The following PIEZO2 variants were observed in gnomAD, a reference collection of about 807,000 sequenced individuals.
The protein encoded by PIEZO2 is piezo-type mechanosensitive ion channel component 2.
In PIEZO2, 172 loss-of-function variants were observed where a neutral mutation model predicts 337.3. That is an observed-to-expected ratio of 0.51 (90% CI 0.45 to 0.58). The LOEUF (loss-of-function observed/expected upper bound fraction) is 0.58. PIEZO2 is among the 20% of genes least tolerant of loss of function. The pLI is 0.00. For synonymous variants in PIEZO2, 1,251 were observed against 1,228.5 expected, an observed-to-expected ratio of 1.02 and a Z score of -0.38; for missense variants, 3,028 against 3,391.3, an observed-to-expected ratio of 0.89 and a Z score of 2.66.
intron 7 of PIEZO2, among the ~76,000 whole-genome samples, chr18:10,825,778 C>CG (rs1174552490): frequency 2.4e-4 from 37 of 151,578 alleles, no homozygotes; most frequent in African/African-American, 8.5e-4. Flanking sequence ...CTCGAACTCC[C>CG]GACCTCAGGT....
At chr18:10,992,785 TG>T (rs1238373478) in intron 2 of PIEZO2, among the ~76,000 whole-genome samples, 1 of 152,218 alleles carries the variant, frequency 6.6e-6, no homozygotes, top group Non-Finnish European at 1.5e-5. Context: ...GGGAGCTTGA[TG>T]GGGATAGCAT....
chr18:10,719,874 G>GA (rs1213788183), intron 36 of PIEZO2, among the ~76,000 whole-genome samples: 2 of 152,062 alleles, frequency 1.3e-5, no homozygotes, highest in Non-Finnish European at 2.9e-5. Context: ...GGTTACATAT[G>GA]AAATATAGAA....
intron 41 of PIEZO2, among the ~76,000 whole-genome samples, chr18:10,704,857 T>G (rs1248271392): frequency 6.6e-6 from 1 of 152,072 alleles, no homozygotes; most frequent in Non-Finnish European, 1.5e-5. Context: ...GCTAATTTTT[T>G]TGTGTGTATT....
chr18:10,780,015 G>T (rs2038924060), intron 18 of PIEZO2, among the ~76,000 whole-genome samples: 1 of 152,178 alleles, frequency 6.6e-6, no homozygotes, highest in Non-Finnish European at 1.5e-5. Flanking sequence ...ATGTGTTCAA[G>T]AGGGAGGGGA....
rs976679746 is a variant in PIEZO2, at chr18:10,789,066, A to G, written c.2169+13T>C. 2 of 1,532,810 alleles carry G rather than the reference A, an allele frequency of 1.3e-6. No individual in the cohort carries two copies. Among genetic ancestry groups the G allele is most frequent in the Admixed American group, 2.0e-5 (1 of 50,768 alleles). 95.0% of individuals were successfully genotyped at this position (1,532,810 alleles called of 1,614,324 possible). A position where few individuals can be genotyped will look rare whatever the true frequency, so the allele number is the denominator to read the frequency against. ...AGAGATGTGAGAATTAAAATGGTCA[A>G]CTGTGTACCTACCTGGTATAGGGCC... On this transcript the variant is annotated intron_variant, in intron 15 of 55. Coordinates refer to ENST00000674853, the MANE Select transcript of PIEZO2 (RefSeq NM_001378183.1).
At chr18:10,960,600 G>T (rs933935401) in intron 3 of PIEZO2, among the ~76,000 whole-genome samples, 1 of 149,516 alleles carries the variant, frequency 6.7e-6, no homozygotes, top group Non-Finnish European at 1.5e-5. Context: ...ATTTTTACTT[G>T]ATTGGTTTGT....
Position 10,776,245 on chromosome 18 carries a change from T to C in PIEZO2, c.2535-2207A>G, listed in dbSNP as rs1330264348. Among the ~76,000 whole-genome samples, 4 of 152,166 alleles carry C rather than the reference T, an allele frequency of 2.6e-5. No homozygotes were observed. In the East Asian group the frequency reaches 7.7e-4, roughly 29 times the overall value. ...TGAGATGGGAAAGCTATGTAACCTA[T>C]CTTTTAAGTCTCGGTTAGCTGAAAC... On this transcript the variant is annotated intron_variant, in intron 18 of 55. Transcript: ENST00000674853.
At chr18:10,938,758 G>A (rs963024908) in intron 3 of PIEZO2, among the ~76,000 whole-genome samples, 1 of 152,204 alleles carries the variant, frequency 6.6e-6, no homozygotes, top group African/African-American at 2.4e-5. Context: ...ACATGAAAGA[G>A]ATAACTAGGT....
rs1351453544 is a variant in PIEZO2 at position 11,112,386 on chromosome 18, C to T, written c.64+36139G>A. Reference sequence around the variant, plus strand: ...TGGTCCAGTCATTCTGAGAACAACCCTTCAACGCTTTAATTAAAGAGGCCT... The same window carrying T: ...TGGTCCAGTCATTCTGAGAACAACCTTTCAACGCTTTAATTAAAGAGGCCT... On this transcript the variant is annotated intron_variant, in intron 1 of 55. Transcript: ENST00000674853. This position sits in a 1 kb window ranked among gnomAD's most constrained non-coding sequence, Gnocchi z 4.3. 6.6e-6 allele frequency among the ~76,000 whole-genome samples: 1 copy of T among 152,164 alleles called. No homozygotes were observed. The highest frequency in any genetic ancestry group is 1.5e-5 in the Non-Finnish European group (1 of 68,034).
intron 1 of PIEZO2, among the ~76,000 whole-genome samples, chr18:11,136,255 A>G (rs1022021835): frequency 3.3e-5 from 5 of 152,220 alleles, no homozygotes; most frequent in Non-Finnish European, 5.9e-5. Context: ...GGCAACCACG[A>G]TGATGCTTTG....
chr18:10,817,997 A>G (rs2040414156), intron 7 of PIEZO2, among the ~76,000 whole-genome samples: 2 of 151,792 alleles, frequency 1.3e-5, no homozygotes, highest in African/African-American at 4.8e-5. Context: ...TTTCCTTCAT[A>G]GCCTATTCTG....
chr18:10,729,767 G>A (rs1214678081), intron 36 of PIEZO2, among the ~76,000 whole-genome samples: 1 of 152,032 alleles, frequency 6.6e-6, no homozygotes, highest in African/African-American at 2.4e-5. Flanking sequence ...GCATTCATAA[G>A]TTATTATATG....
intron 2 of PIEZO2, among the ~76,000 whole-genome samples, chr18:10,985,087 A>G (rs76315390): frequency 0.033 from 5,070 of 152,188 alleles, 146 homozygotes; most frequent in African/African-American, 0.072. Context: ...CGCAAAAGGG[A>G]TTTCTTCAAA....
chr18:10,982,864 G>A lies in PIEZO2; in HGVS notation c.161-3204C>T, dbSNP rs1001587889. Among the ~76,000 whole-genome samples the A allele has an allele frequency of 2.6e-5, 4 of 151,946 alleles. No homozygotes were observed. Among genetic ancestry groups the A allele is most frequent in the African/African-American group, 9.7e-5 (4 of 41,362 alleles). ...GCCTTCTGAGTAGCTGGCATTACAG[G>A]CGTGCACTACCAAACCTGACTAATT... is the stretch of plus-strand genomic sequence containing the variant. On this transcript the variant is annotated intron_variant, in intron 2 of 55. Coordinates refer to ENST00000674853, the MANE Select transcript of PIEZO2 (RefSeq NM_001378183.1). The surrounding 1 kb of genome is among the most constrained non-coding windows in gnomAD (Gnocchi z 4.1).
intron 36 of PIEZO2, chr18:10,725,206 G>C (rs1287485801): frequency 2.6e-6 from 4 of 1,558,394 alleles, no homozygotes; most frequent in Non-Finnish European, 3.5e-6. Context: ...CATTGAGGCT[G>C]TTCTGGAGAA....
At chr18:11,008,598 T>G (rs987524959) in intron 2 of PIEZO2, among the ~76,000 whole-genome samples, 4 of 152,240 alleles carry the variant, frequency 2.6e-5, no homozygotes, top group Non-Finnish European at 5.9e-5. Flanking sequence ...GTAACTGATG[T>G]CTCTGGACTT....
At chr18:10,758,468 C>T (rs555567845) in intron 26 of PIEZO2, among the ~76,000 whole-genome samples, 161 of 151,970 alleles carry the variant, frequency 1.1e-3, no homozygotes, top group African/African-American at 3.6e-3. Context: ...GTGTGTGAGA[C>T]AGAGTCTCGC....
chr18:10,715,380 T>C (rs1392470310), intron 38 of PIEZO2, among the ~76,000 whole-genome samples: 1 of 152,234 alleles, frequency 6.6e-6, no homozygotes, highest in African/African-American at 2.4e-5. Flanking sequence ...AGGCAAAGTC[T>C]GTACACCTGC....
chr18:10,858,321 C>CAAAAAAAAAAAAAAAA (rs11361243), intron 5 of PIEZO2, among the ~76,000 whole-genome samples: 2 of 56,346 alleles, frequency 3.5e-5, no homozygotes, highest in African/African-American at 6.4e-5. Flanking sequence ...GACTTCAACC[C>CAAAAAAAAAAAAAAAA]AAAAAAAAAA....
Sources: allele counts gnomAD v4.1 joint callset (sites outside exome capture counted in the v4.1 genomes callset), GRCh38; gene constraint gnomAD v4.1.1; non-coding constraint Gnocchi (gnomAD v3.1); transcripts MANE v1.5; gene names NCBI Gene and HGNC (gene_info 2026-07-23, HGNC 2026-07-21).